Variants in IL6ST observed in about 807,000 individuals in gnomAD.
The protein encoded by IL6ST is interleukin-6 receptor subunit beta.
Under a neutral mutation model 91.3 loss-of-function variants are expected in IL6ST, and 24 were observed. The observed-to-expected ratio is 0.26, with a 90% confidence interval of 0.19 to 0.37. The LOEUF (loss-of-function observed/expected upper bound fraction) is 0.37, where lower values mean the gene tolerates loss of function less well. IL6ST is among the 10% of genes least tolerant of loss of function. The pLI, the probability that IL6ST is intolerant of heterozygous loss-of-function variation, is 1.00. For missense variants in IL6ST, 914 were observed against 1,078.5 expected, an observed-to-expected ratio of 0.85 and a Z score of 2.14; for synonymous variants, 351 against 373.6, an observed-to-expected ratio of 0.94 and a Z score of 0.70.
At chr5:55,972,390 T>C (rs2111831065) in intron 3 of IL6ST, among the ~76,000 whole-genome samples, 1 of 152,112 alleles carries the variant, frequency 6.6e-6, no homozygotes, top group East Asian at 1.9e-4. Context: ...CGGGCGCCTG[T>C]AGTCCCAGCT....
At chr5:55,943,625 A>G (rs1301701304) in intron 15 of IL6ST, among the ~76,000 whole-genome samples, 1 of 152,204 alleles carries the variant, frequency 6.6e-6, no homozygotes, top group Non-Finnish European at 1.5e-5. Context: ...CACCATATTC[A>G]TGGAAGGAAG....
intron 3 of IL6ST, among the ~76,000 whole-genome samples, chr5:55,971,702 G>C (rs1752976035): frequency 6.6e-6 from 1 of 152,108 alleles, no homozygotes; most frequent in Non-Finnish European, 1.5e-5. Flanking sequence ...CACGCCTGTA[G>C]TCCCAGCTAC....
At chr5:55,992,531 A>G (rs552281030) in intron 1 of IL6ST, among the ~76,000 whole-genome samples, 24 of 152,342 alleles carry the variant, frequency 1.6e-4, no homozygotes, top group Non-Finnish European at 3.4e-4. Flanking sequence ...ATGCCTTAAT[A>G]TGGGCAAAGT....
chr5:55,951,812 C>T, intron 13 of IL6ST, 117 bp downstream of exon 13: 2 of 765,284 alleles, frequency 2.6e-6, no homozygotes, highest in Non-Finnish European at 4.1e-6. Flanking sequence ...GGCAAATTCT[C>T]AGGTGTCTCC....
chr5:55,968,448 A>G lies in IL6ST; in HGVS notation c.371-52T>C, dbSNP rs780910578. 5.1e-6 allele frequency: 8 copies of G among 1,553,736 alleles called. No homozygotes were observed. In the East Asian group the frequency reaches 1.8e-4, roughly 35 times the overall value. On this transcript the variant is annotated intron_variant, in intron 4 of 16. Coordinates refer to ENST00000381298, the MANE Select transcript of IL6ST (RefSeq NM_002184.4). ...AGAAAGCTTTATATCCACAAATATT[A>G]TGCAATTTATATACTACCCAAGGCA...
intron 3 of IL6ST, among the ~76,000 whole-genome samples, chr5:55,975,979 GATTACTGACTTAA>G (rs1025131398): frequency 1.3e-5 from 2 of 150,634 alleles, no homozygotes; most frequent in African/African-American, 4.9e-5. Context: ...CAGCATTTAA[GATTACTGACTTAA>G]ATTACTGACT....
rs895426186 is a variant in IL6ST, at chr5:55,937,349, AT to A, written c.*3732del. On this transcript the variant is annotated 3_prime_UTR_variant, in exon 17 of 17. Coordinates refer to ENST00000381298, the MANE Select transcript of IL6ST (RefSeq NM_002184.4). ...GCTCACCCTGAGCTGCCACCTTTTA[AT>A]TTTTAATGCAATGTATATGAGAATA... 35 of 212,652 alleles carry A rather than the reference AT, an allele frequency of 1.6e-4. No individual in the cohort carries two copies. The highest frequency in any genetic ancestry group is 7.9e-4 in the African/African-American group (35 of 44,288). 13.2% of individuals were successfully genotyped at this position (212,652 alleles called of 1,614,324 possible). A position where few individuals can be genotyped will look rare whatever the true frequency, so the allele number is the denominator to read the frequency against.
rs149279141 is a variant in IL6ST, at chr5:55,953,753, T to C, written c.1450+1057A>G. On this transcript the variant is annotated intron_variant, in intron 11 of 16. Coordinates refer to ENST00000381298, the MANE Select transcript of IL6ST (RefSeq NM_002184.4). ...CCTGTAATACCAGCACTTTGGGAGT[T>C]TGAGGTAAAAGAATCGCTTGAGGCC... 2.8e-3 allele frequency among the ~76,000 whole-genome samples: 421 copies of C among 152,296 alleles called. 6 individuals are homozygous for C. Among genetic ancestry groups the C allele is most frequent in the African/African-American group, 8.3e-3 (345 of 41,572 alleles).
chr5:55,968,621 TG>T lies in IL6ST; in HGVS notation c.371-226del, dbSNP rs3840127. 2.6e-5 allele frequency among the ~76,000 whole-genome samples: 4 copies of T among 152,232 alleles called. No homozygotes were observed. In the East Asian group the frequency reaches 7.7e-4, roughly 29 times the overall value. ...TACATCCATCCTAACTGTCATCAACTGGTTTGTTTCACATTAATTTTCTATG... is the reference window on the plus strand; with the variant it reads ...TACATCCATCCTAACTGTCATCAACTGTTTGTTTCACATTAATTTTCTATG... On this transcript the variant is annotated intron_variant, in intron 4 of 16. Transcript: ENST00000381298.
intron 8 of IL6ST, among the ~76,000 whole-genome samples, chr5:55,959,102 T>A (rs1043215673): frequency 6.6e-6 from 1 of 152,186 alleles, no homozygotes; most frequent in African/African-American, 2.4e-5. Context: ...ACGCATTGAT[T>A]TGACAAAGAT....
rs1751656280 is a variant in IL6ST at position 55,951,912 on chromosome 5, T to C, written c.1699+17A>G. ...GAAAAAATAACTGATTCTTAATAAC[T>C]GATACAGTTTTATTACCAGTTTCAT... On this transcript the variant is annotated intron_variant, in intron 13 of 16. Coordinates refer to ENST00000381298, the MANE Select transcript of IL6ST (RefSeq NM_002184.4). The C allele has an allele frequency of 7.4e-7, 1 of 1,348,602 alleles. No homozygotes were observed. The highest frequency in any genetic ancestry group is 1.2e-5 in the South Asian group (1 of 80,706). 83.5% of individuals were successfully genotyped at this position (1,348,602 alleles called of 1,614,324 possible). A position where few individuals can be genotyped will look rare whatever the true frequency, so the allele number is the denominator to read the frequency against.
rs1181938857 is a variant in IL6ST at position 55,939,240 on chromosome 5, C to CTA, written c.*1840_*1841dup. On this transcript the variant is annotated 3_prime_UTR_variant, in exon 17 of 17. Transcript: ENST00000381298. ...TTGTTGTGTAAATTTGGGTCTATCCCTACCTTTACTTCTCTGTGCCTGATT... is the reference window on the plus strand; with the variant it reads ...TTGTTGTGTAAATTTGGGTCTATCCCTATACCTTTACTTCTCTGTGCCTGATT... 4.7e-6 allele frequency: 1 copy of CTA among 213,990 alleles called. No individual in the cohort carries two copies. The highest frequency in any genetic ancestry group is 9.4e-6 in the Non-Finnish European group (1 of 105,876). The allele number at this position is 213,990 out of a possible 1,614,324, so 13.3% of individuals were successfully genotyped here. A position where few individuals can be genotyped will look rare whatever the true frequency, so the allele number is the denominator to read the frequency against.
Position 55,937,281 on chromosome 5 carries a change from G to GA in IL6ST, c.*3800dup, listed in dbSNP as rs1750596523. On this transcript the variant is annotated 3_prime_UTR_variant, in exon 17 of 17. Transcript: ENST00000381298. Reference sequence around the variant, plus strand: ...CCAGTTTGTACAAACTATTGACTGAGAAAAAGCCCTTAAAAATTTAGGAAC... The same window carrying GA: ...CCAGTTTGTACAAACTATTGACTGAGAAAAAAGCCCTTAAAAATTTAGGAAC... 1 of 213,676 alleles carries GA rather than the reference G, an allele frequency of 4.7e-6. No homozygotes were observed. 13.2% of individuals were successfully genotyped at this position (213,676 alleles called of 1,614,324 possible). A position where few individuals can be genotyped will look rare whatever the true frequency, so the allele number is the denominator to read the frequency against.
rs2897861 is a variant in IL6ST, at chr5:55,974,596, T to C, written c.64+1619A>G. Among the ~76,000 whole-genome samples the C allele has an allele frequency of 1.1e-3, 146 of 138,044 alleles. 1 individual carries two copies. The highest frequency in any genetic ancestry group is 4.7e-3 in the African/African-American group (131 of 28,158). 90.6% of individuals were successfully genotyped at this position (138,044 alleles called of 152,430 possible). On this transcript the variant is annotated intron_variant, in intron 3 of 16. Transcript: ENST00000381298. ...GCCTCCCAGGCTCAAGCGATTCTCC[T>C]GCCTCAGCCTCCTGAGTAGTGGGGA... is the stretch of plus-strand genomic sequence containing the variant.
At chr5:55,976,530 C>T (rs1753300552) in intron 2 of IL6ST, among the ~76,000 whole-genome samples, 2 of 152,084 alleles carry the variant, frequency 1.3e-5, no homozygotes, top group South Asian at 2.1e-4. Context: ...AAAGAGATAT[C>T]TTGTTTCTTT....
chr5:55,994,358 A>C (rs1214228056), intron 1 of IL6ST, among the ~76,000 whole-genome samples: 3 of 152,210 alleles, frequency 2.0e-5, no homozygotes, highest in Non-Finnish European at 1.5e-5. Context: ...AAACGTTACG[A>C]TTTCAAGATG....
Position 55,971,575 on chromosome 5 carries a change from G to C in IL6ST, c.65-1720C>G, listed in dbSNP as rs73120497. ...TCCTCAATGAATCCTATTTGCTGTG[G>C]GGTTCCTGGGTAGTTACCCATGAAG... On this transcript the variant is annotated intron_variant, in intron 3 of 16. Coordinates refer to ENST00000381298, the MANE Select transcript of IL6ST (RefSeq NM_002184.4). Among the ~76,000 whole-genome samples, 1,056 of 152,170 alleles carry C rather than the reference G, an allele frequency of 6.9e-3. 8 individuals carry two copies. The highest frequency in any genetic ancestry group is 0.024 in the African/African-American group (996 of 41,482).
chr5:55,953,485 G>A (rs1409900311), intron 11 of IL6ST, among the ~76,000 whole-genome samples: 1 of 152,162 alleles, frequency 6.6e-6, no homozygotes, highest in Non-Finnish European at 1.5e-5. Flanking sequence ...CGCCTCCCGG[G>A]TTCAAGAGAT....
intron 1 of IL6ST, chr5:55,994,048 C>CAAAA (rs34900510): frequency 0.022 from 1,233 of 57,190 alleles, 23 homozygotes; most frequent in Non-Finnish European, 0.032. Context: ...CTTCTGAAGG[C>CAAAA]AAAAAAAAAA....
Sources: allele counts gnomAD v4.1 joint callset (sites outside exome capture counted in the v4.1 genomes callset), GRCh38; gene constraint gnomAD v4.1.1; transcripts MANE v1.5; gene names NCBI Gene and HGNC (gene_info 2026-07-23, HGNC 2026-07-21).